PCDHA2: variants seen among roughly 807,000 people sequenced by gnomAD.
PCDHA2 encodes protocadherin alpha 2, also known as protocadherin alpha-2.
In PCDHA2, 58 loss-of-function variants were observed where a neutral mutation model predicts 66.0. The observed-to-expected ratio is 0.88, with a 90% CI of 0.71 to 1.09. PCDHA2 has a LOEUF of 1.09. Among genes scored for constraint, PCDHA2 ranks in the 50% least tolerant of loss-of-function variants. PCDHA2 has a pLI of 0.00. For synonymous variants in PCDHA2, 634 were observed against 554.0 expected, an observed-to-expected ratio of 1.14 and a Z score of -2.03; for missense variants, 1,267 against 1,242.3, an observed-to-expected ratio of 1.02 and a Z score of -0.30.
chr5:140,801,300 G>A (rs1554121379), intron 1 of PCDHA2: 1 of 1,613,456 alleles, frequency 6.2e-7, no homozygotes, highest in Non-Finnish European at 8.5e-7. Flanking sequence ...CCACTACTCC[G>A]TCTCTGAGGA....
intron 1 of PCDHA2, among the ~76,000 whole-genome samples, chr5:140,888,561 G>A (rs2061877783): frequency 6.6e-6 from 1 of 152,156 alleles, no homozygotes; most frequent in South Asian, 2.1e-4. Flanking sequence ...TTCCTTTCAA[G>A]GCTTCATTTT....
At position 140,836,402 on chromosome 5, in the gene PCDHA2, C is replaced by T. The variant is rs1695178893; in HGVS notation, c.2388+39050C>T. The T allele has an allele frequency of 1.9e-6, 3 of 1,613,680 alleles. No homozygotes were observed. The South Asian group carries it at 3.3e-5, about 18-fold the overall frequency. On this transcript the variant is annotated intron_variant, in intron 1 of 3. Transcript: ENST00000526136. Reference sequence around the variant, plus strand: ...TGCTGGTGTCGCTGGTGGAAAGCGGCCAGGCACCAAAGGCGTCGTCGCGGG... The same window carrying T: ...TGCTGGTGTCGCTGGTGGAAAGCGGTCAGGCACCAAAGGCGTCGTCGCGGG...
intron 1 of PCDHA2, among the ~76,000 whole-genome samples, chr5:140,962,592 G>C (rs1318639328): frequency 1.3e-5 from 2 of 152,164 alleles, no homozygotes; most frequent in Non-Finnish European, 2.9e-5. Flanking sequence ...ATATTTGACT[G>C]ATATATTTCT....
At chr5:140,945,569 A>C (rs575302416) in intron 1 of PCDHA2, among the ~76,000 whole-genome samples, 2 of 152,256 alleles carry the variant, frequency 1.3e-5, no homozygotes, top group South Asian at 4.1e-4. Context: ...ACATCATACT[A>C]CCTGGCTTCA....
intron 1 of PCDHA2, chr5:140,862,471 C>A (rs1000381603): frequency 1.5e-4 from 55 of 374,462 alleles, no homozygotes; most frequent in Non-Finnish European, 2.7e-4. Context: ...GAGAGCAAAT[C>A]TATCCATTGT....
At chr5:140,885,930 A>AT (rs1188534786) in intron 1 of PCDHA2, among the ~76,000 whole-genome samples, 1 of 152,104 alleles carries the variant, frequency 6.6e-6, no homozygotes, top group African/African-American at 2.4e-5. Flanking sequence ...CTGTTTATCT[A>AT]TTTTTTGACA....
intron 1 of PCDHA2, among the ~76,000 whole-genome samples, chr5:140,951,868 G>A (rs1325001328): frequency 2.6e-5 from 4 of 152,132 alleles, no homozygotes; most frequent in African/African-American, 9.7e-5. Flanking sequence ...AGTCTCATCT[G>A]AGACAAGGCA....
At chr5:140,919,926 T>C (rs1040693581) in intron 1 of PCDHA2, among the ~76,000 whole-genome samples, 18 of 152,088 alleles carry the variant, frequency 1.2e-4, no homozygotes, top group African/African-American at 4.1e-4. Flanking sequence ...AATTTTCAGG[T>C]GGGGGCTAAT....
chr5:140,994,988 A>G (rs781915746), intron 3 of PCDHA2, among the ~76,000 whole-genome samples: 3 of 152,166 alleles, frequency 2.0e-5, no homozygotes, highest in Non-Finnish European at 4.4e-5. Flanking sequence ...ACCCACTAGA[A>G]GGTTAGTTGG....
At chr5:140,815,995 C>T (rs1246800642) in intron 1 of PCDHA2, 1 of 152,110 alleles carries the variant, frequency 6.6e-6, no homozygotes, top group Non-Finnish European at 1.5e-5. Flanking sequence ...TTTTCTTTTG[C>T]TGCTTTCTAA....
At position 140,983,206 on chromosome 5, in the gene PCDHA2, C is replaced by G. The variant is rs184479967; in HGVS notation, c.2536+643C>G. 1.8e-3 allele frequency among the ~76,000 whole-genome samples: 271 copies of G among 152,316 alleles called. 2 individuals are homozygous for G. Among genetic ancestry groups the G allele is most frequent in the South Asian group, 2.5e-3 (12 of 4,822 alleles). On this transcript the variant is annotated intron_variant, in intron 3 of 3. Transcript: ENST00000526136. ...TCTTAGTTTAGAGGGATAATAGGGA[C>G]TATTTCCTAATCCAAACTTTCAGGA...
intron 1 of PCDHA2, chr5:140,870,380 C>T (rs373356425): frequency 1.3e-5 from 21 of 1,614,064 alleles, no homozygotes; most frequent in East Asian, 2.2e-5. Flanking sequence ...GTGGTGACTG[C>T]GCGGGATGGG....
intron 3 of PCDHA2, among the ~76,000 whole-genome samples, chr5:140,986,408 C>G (rs1587158509): frequency 6.6e-6 from 1 of 152,176 alleles, no homozygotes; most frequent in East Asian, 1.9e-4. Context: ...GCTCATGTTA[C>G]AGCTCTTTTT....
intron 3 of PCDHA2, among the ~76,000 whole-genome samples, chr5:140,985,361 G>T (rs1453706797): frequency 1.3e-5 from 2 of 152,132 alleles, no homozygotes; most frequent in Non-Finnish European, 2.9e-5. Flanking sequence ...GACCCTCTGA[G>T]GTTATCTGGG....
At chr5:140,946,826 G>A (rs1161316537) in intron 1 of PCDHA2, among the ~76,000 whole-genome samples, 1 of 151,404 alleles carries the variant, frequency 6.6e-6, no homozygotes, top group African/African-American at 2.4e-5. Context: ...TACCAGAGAT[G>A]GGTAGGGCAG....
intron 1 of PCDHA2, among the ~76,000 whole-genome samples, chr5:140,846,785 T>C (rs1780675366): frequency 6.7e-6 from 1 of 149,494 alleles, no homozygotes; most frequent in South Asian, 2.1e-4. Flanking sequence ...GAATTATTAC[T>C]GAGCCCCAGC....
intron 2 of PCDHA2, among the ~76,000 whole-genome samples, chr5:140,979,343 AATT>A (rs1482354475): frequency 8.6e-5 from 13 of 152,024 alleles, no homozygotes; most frequent in African/African-American, 3.1e-4. Flanking sequence ...TAAAAACTGT[AATT>A]AATACTCATG....
At chr5:140,798,871 G>T (rs1762372351) in intron 1 of PCDHA2, among the ~76,000 whole-genome samples, 1 of 152,098 alleles carries the variant, frequency 6.6e-6, no homozygotes, top group African/African-American at 2.4e-5. Flanking sequence ...CTACTATTTA[G>T]TTCTTAGTTA....
At chr5:140,813,872 A>G (rs1362049525) in intron 1 of PCDHA2, 3 of 152,298 alleles carry the variant, frequency 2.0e-5, no homozygotes, top group African/African-American at 7.2e-5. Context: ...GGTGACACAC[A>G]CTTGTAGTTC....
Sources: gnomAD v4.1 joint callset for allele counts (sites outside exome capture counted in the v4.1 genomes callset) on GRCh38, gnomAD v4.1.1 for gene constraint, MANE v1.5 for transcripts, NCBI Gene and HGNC (gene_info 2026-07-23, HGNC 2026-07-21) for gene names.